CFAP58: variants seen among roughly 807,000 people sequenced by gnomAD.
CFAP58 encodes the protein cilia- and flagella-associated protein 58.
In CFAP58, 88 loss-of-function variants were observed where a neutral mutation model predicts 119.5. The observed-to-expected ratio is 0.74, with a 90% CI of 0.62 to 0.88. CFAP58 has a LOEUF of 0.88. Ranked by LOEUF, CFAP58 falls within the 40% of genes least tolerant of loss-of-function variation. The probability of loss-of-function intolerance (pLI) is 0.00; values close to 1 mark genes in which losing one functional copy is unlikely to be tolerated. For missense variants in CFAP58, 990 were observed against 1,021.2 expected, an observed-to-expected ratio of 0.97 and a Z score of 0.42; for synonymous variants, 365 against 366.3, an observed-to-expected ratio of 1.00 and a Z score of 0.04.
upstream of CFAP58, among the ~76,000 whole-genome samples, chr10:104,350,672 C>T (rs1486541482): frequency 6.6e-6 from 1 of 152,196 alleles, no homozygotes; most frequent in Non-Finnish European, 1.5e-5. Flanking sequence ...ATTGTGCTTT[C>T]TGTTAAAATG....
upstream of CFAP58, among the ~76,000 whole-genome samples, chr10:104,349,065 G>A (rs2014429952): frequency 6.6e-6 from 1 of 152,132 alleles, no homozygotes; most frequent in South Asian, 2.1e-4. Flanking sequence ...TGGCTAACAC[G>A]TTGAAACTCT....
At chr10:104,440,602 G>C (rs1247156404) in intron 15 of CFAP58, among the ~76,000 whole-genome samples, 1 of 152,106 alleles carries the variant, frequency 6.6e-6, no homozygotes, top group South Asian at 2.1e-4. Flanking sequence ...TCTGTTATGC[G>C]CTTAACAGAG....
In CFAP58 at chr10:104,399,465, G is replaced by A. The variant is rs140319819; in HGVS notation, c.1780G>A (p.Gly594Arg). 126 of 1,613,762 alleles carry A rather than the reference G, an allele frequency of 7.8e-5. No individual in the cohort carries two copies. Among genetic ancestry groups the A allele is most frequent in the East Asian group, 8.9e-5 (4 of 44,862 alleles). ...CCTGCGAATAATTGCTGAGGCTGAC[G>A]GGGAGAGGTTGAGACAGAAGAAGGA... ...KLLRIIAEAD[G>R]ERLRQKKELD... The change falls in exon 12 of 18, where the codon GGG becomes AGG. Residue 594 changes from glycine to arginine, a missense_variant. Gly to Arg is a moderately radical substitution (Grantham distance 125, BLOSUM62 -2). Transcript: ENST00000369704.
At chr10:104,412,340 C>G (rs1413312743) in intron 15 of CFAP58, among the ~76,000 whole-genome samples, 1 of 152,002 alleles carries the variant, frequency 6.6e-6, no homozygotes, top group East Asian at 1.9e-4. Flanking sequence ...TTATTAATAT[C>G]ATTAATTACC....
chr10:104,357,845 G>GTACACATATA (rs57307099), intron 1 of CFAP58, among the ~76,000 whole-genome samples: 13 of 91,544 alleles, frequency 1.4e-4, no homozygotes, highest in South Asian at 1.2e-3. Flanking sequence ...GTACACATAT[G>GTACACATATA]TACACATATA....
chr10:104,444,143 C>T lies in CFAP58; in HGVS notation c.2257-3555C>T, dbSNP rs1004693428. 7.2e-5 allele frequency among the ~76,000 whole-genome samples: 11 copies of T among 152,274 alleles called. No individual in the cohort carries two copies. The South Asian group carries it at 1.4e-3, about 20-fold the overall frequency. The stretch of plus-strand genomic sequence containing the variant: ...GCTGTTCATAAAATAGTGAGGCATG[C>T]TACAAAGCGATATTGCTGTGCATCA... On this transcript the variant is annotated intron_variant, in intron 15 of 17. Transcript: ENST00000369704.
chr10:104,444,170 C>T (rs762812532), intron 15 of CFAP58, among the ~76,000 whole-genome samples: 4 of 152,168 alleles, frequency 2.6e-5, no homozygotes, highest in Non-Finnish European at 4.4e-5. Flanking sequence ...TGTGCATCAC[C>T]AGAAAACTCG....
chr10:104,423,805 A>G (rs2012699044), intron 15 of CFAP58, among the ~76,000 whole-genome samples: 1 of 152,242 alleles, frequency 6.6e-6, no homozygotes, highest in Non-Finnish European at 1.5e-5. Flanking sequence ...AGAAGAAAAT[A>G]GTTGCCAACA....
At position 104,372,759 on chromosome 10, in the gene CFAP58, T is replaced by A. The variant is rs533336298; in HGVS notation, c.1090+1705T>A. Among the ~76,000 whole-genome samples, 16 of 152,370 alleles carry A rather than the reference T, an allele frequency of 1.1e-4. No homozygotes were observed. The South Asian group carries it at 1.4e-3, about 14-fold the overall frequency. ...GTTCTAAGCTTTGGAAAAAAAAGTT[T>A]TACCCATTTGGCGTTGAGCCCAACT... On this transcript the variant is annotated intron_variant, in intron 7 of 17. Coordinates refer to ENST00000369704, the MANE Select transcript of CFAP58 (RefSeq NM_001008723.2).
intron 16 of CFAP58, among the ~76,000 whole-genome samples, chr10:104,449,131 T>G (rs537166154): frequency 6.6e-6 from 1 of 151,984 alleles, no homozygotes; most frequent in African/African-American, 2.4e-5. Flanking sequence ...AGGAGGGTCT[T>G]TGTTTCTAAA....
intron 11 of CFAP58, among the ~76,000 whole-genome samples, chr10:104,397,893 G>A (rs1407648229): frequency 2.0e-5 from 3 of 152,154 alleles, no homozygotes; most frequent in East Asian, 1.9e-4. Flanking sequence ...CCTATATAGT[G>A]CATGGCACAC....
At chr10:104,384,151 G>A (rs1258946671) in intron 9 of CFAP58, among the ~76,000 whole-genome samples, 2 of 152,310 alleles carry the variant, frequency 1.3e-5, no homozygotes, top group East Asian at 1.9e-4. Context: ...ATGGGAACAT[G>A]TTTCTAATAT....
At chr10:104,454,357 T>G in intron 17 of CFAP58, 65 bp from the exon 18 acceptor site, 1 of 1,272,904 alleles carries the variant, frequency 7.9e-7, no homozygotes, top group Non-Finnish European at 1.1e-6. Flanking sequence ...ACCCTAGGAT[T>G]ATCAAATGTC....
chr10:104,452,251 A>G (rs2013208530), intron 17 of CFAP58, among the ~76,000 whole-genome samples: 1 of 152,080 alleles, frequency 6.6e-6, no homozygotes, highest in Admixed American at 6.5e-5. Flanking sequence ...TACATAAAAT[A>G]GTAAGAAATA....
chr10:104,429,725 A>G (rs1487874293), intron 15 of CFAP58, among the ~76,000 whole-genome samples: 1 of 152,036 alleles, frequency 6.6e-6, no homozygotes, highest in Non-Finnish European at 1.5e-5. Flanking sequence ...ACCATCCCTC[A>G]CTTTTATTTT....
At position 104,406,774 on chromosome 10, in the gene CFAP58, A is replaced by G. The variant is rs1317693473; in HGVS notation, c.2237A>G (p.Glu746Gly). The G allele has an allele frequency of 6.2e-7, 1 of 1,614,150 alleles. No individual in the cohort carries two copies. Among genetic ancestry groups the G allele is most frequent in the Non-Finnish European group, 8.5e-7 (1 of 1,179,992 alleles). ...ATCAGCAAGACTGAAGAGGTGGTTG[A>G]AAAAGAGCTGCTCCTCCAGGTAGCA... The part of the protein sequence containing the change: ...RLISKTEEVV[E>G]KELLLQEKEK... The change falls in exon 15 of 18, where the codon GAA (glutamate) becomes GGA (glycine). Residue 746 changes from glutamate to glycine, a missense_variant. By Grantham distance (98) the Glu-to-Gly change is moderately conservative. Transcript: ENST00000369704.
At chr10:104,436,018 G>A (rs546844584) in intron 15 of CFAP58, among the ~76,000 whole-genome samples, 37 of 152,236 alleles carry the variant, frequency 2.4e-4, no homozygotes, top group African/African-American at 8.4e-4. Flanking sequence ...GTTCCAGGCA[G>A]TCACTGATCA....
At chr10:104,406,253 A>G in intron 14 of CFAP58, among the ~76,000 whole-genome samples, 1 of 152,200 alleles carries the variant, frequency 6.6e-6, no homozygotes, top group Admixed American at 6.5e-5. Context: ...TAAATGACTT[A>G]GTTTCTCTCA....
intron 15 of CFAP58, among the ~76,000 whole-genome samples, chr10:104,428,533 T>A (rs1477182184): frequency 6.6e-6 from 1 of 152,226 alleles, no homozygotes. Flanking sequence ...CCCTACTCCC[T>A]GAGTCTAATG....
Sources: allele counts gnomAD v4.1 joint callset (sites outside exome capture counted in the v4.1 genomes callset), GRCh38; gene constraint gnomAD v4.1.1; transcripts MANE v1.5; gene names NCBI Gene and HGNC (gene_info 2026-07-23, HGNC 2026-07-21).